The following UEVLD variants were observed in gnomAD, a reference collection of about 807,000 sequenced individuals.
UEVLD encodes the protein UEV and lactate/malate dehyrogenase domains.
A neutral mutation model predicts 58.6 loss-of-function variants in UEVLD; 47 were observed. That is an observed-to-expected ratio of 0.80 (90% CI 0.63 to 1.02). UEVLD has a LOEUF of 1.02. Among genes scored for constraint, UEVLD ranks in the 50% least tolerant of loss-of-function variants. UEVLD has a pLI of 0.00. For synonymous variants in UEVLD, 197 were observed against 195.3 expected, an observed-to-expected ratio of 1.01 and a Z score of -0.07; for missense variants, 510 against 550.6, an observed-to-expected ratio of 0.93 and a Z score of 0.74.
intron 8 of UEVLD, among the ~76,000 whole-genome samples, 197 bp downstream of exon 8, chr11:18,546,683 G>T (rs531246286): frequency 1.3e-5 from 2 of 152,070 alleles, no homozygotes; most frequent in East Asian, 3.9e-4. Flanking sequence ...ATTTTTGGTA[G>T]AGACGGGGTT....
chr11:18,565,240 A>G (rs1852239171), intron 5 of UEVLD, among the ~76,000 whole-genome samples: 1 of 152,182 alleles, frequency 6.6e-6, no homozygotes. Context: ...CTTTCTAAAC[A>G]TTTTTAAAAT....
rs755551471 is a variant in UEVLD, at chr11:18,544,723, A to G, written c.960T>C (p.Asn320=). 6.3e-7 allele frequency: 1 copy of G among 1,580,714 alleles called. No individual in the cohort carries two copies. The highest frequency in any genetic ancestry group is 1.2e-5 in the South Asian group (1 of 84,992). Residue 320 remains asparagine, a synonymous_variant, in exon 9 of 12, where the codon AAT becomes AAC. Coordinates refer to ENST00000396197, the MANE Select transcript of UEVLD (RefSeq NM_001040697.4). ...PANRVIGIGC[N]LDSQRLQYII... ...TATACTGTAATCTCTGTGAATCCAG[A>G]TTACATCCAATTCCGATCACTCGAT...
Position 18,558,129 on chromosome 11 carries a change from TGGACAA to T in UEVLD, c.715+93_715+98del, listed in dbSNP as rs1207021196. ...TTCCCAATATGTAAAATGAGAGACT[TGGACAA>T]GGTGATCTTTAAGGTGCTTTTCAGC... On this transcript the variant is annotated intron_variant, in intron 7 of 11. Transcript: ENST00000396197. 167 of 758,428 alleles carry T rather than the reference TGGACAA, an allele frequency of 2.2e-4. 2 individuals are homozygous for T. In the South Asian group the frequency reaches 3.5e-3, roughly 16 times the overall value. 47.0% of individuals were successfully genotyped at this position (758,428 alleles called of 1,614,324 possible). A position where few individuals can be genotyped will look rare whatever the true frequency, so the allele number is the denominator to read the frequency against.
chr11:18,551,087 TAGAA>T (rs1400485519), intron 7 of UEVLD, among the ~76,000 whole-genome samples: 5 of 152,114 alleles, frequency 3.3e-5, no homozygotes, highest in Non-Finnish European at 5.9e-5. Context: ...TAAAGAGAAT[TAGAA>T]AGAACTTTAA....
chr11:18,569,834 T>C (rs886431575), intron 4 of UEVLD: 2 of 160,406 alleles, frequency 1.2e-5, no homozygotes, highest in African/African-American at 4.8e-5. Context: ...TGATTCAACT[T>C]ATATGAAAGT....
intron 1 of UEVLD, among the ~76,000 whole-genome samples, chr11:18,586,371 C>T (rs1200476303): frequency 6.6e-6 from 1 of 152,000 alleles, no homozygotes; most frequent in Non-Finnish European, 1.5e-5. Flanking sequence ...CGGGCCACCA[C>T]GCCTGGCTTA....
intron 7 of UEVLD, among the ~76,000 whole-genome samples, chr11:18,554,499 C>T (rs1049451224): frequency 4.0e-5 from 6 of 150,264 alleles, no homozygotes; most frequent in Non-Finnish European, 7.4e-5. Context: ...CAGGTTCAAG[C>T]GATCTTCCTG....
chr11:18,536,398 A>G lies in UEVLD; in HGVS notation c.1124+8T>C, dbSNP rs1850795573. ...GTTGGATAAATGCAAATTTCCAGTC[A>G]GTGTTACCTGTTGGACAGCTGCACT... On this transcript the variant is annotated splice_region_variant and intron_variant, in intron 10 of 11. Coordinates refer to ENST00000396197, the MANE Select transcript of UEVLD (RefSeq NM_001040697.4). The G allele has an allele frequency of 6.2e-7, 1 of 1,613,300 alleles. No homozygotes were observed. Among genetic ancestry groups the G allele is most frequent in the Non-Finnish European group, 8.5e-7 (1 of 1,179,454 alleles).
In UEVLD at chr11:18,588,713, TTGCTGCAGGACGGAA is replaced by T. The variant is rs1853732393; in HGVS notation, c.-74_-60del. ...CCAGCCCCCGGACCTTCTTCCGGACTTGCTGCAGGACGGAAGCCGCTGAGGACCAAACTTCCCGGC... is the reference window on the plus strand; with the variant it reads ...CCAGCCCCCGGACCTTCTTCCGGACTGCCGCTGAGGACCAAACTTCCCGGC... On this transcript the variant is annotated 5_prime_UTR_variant, in exon 1 of 12. Transcript: ENST00000396197. 6.3e-7 allele frequency: 1 copy of T among 1,580,954 alleles called. No homozygotes were observed. The highest frequency in any genetic ancestry group is 8.6e-7 in the Non-Finnish European group (1 of 1,168,354).
At chr11:18,541,904 C>T (rs1851071713) in intron 9 of UEVLD, among the ~76,000 whole-genome samples, 1 of 152,134 alleles carries the variant, frequency 6.6e-6, no homozygotes, top group Non-Finnish European at 1.5e-5. Flanking sequence ...CTGTAGGCTT[C>T]CACGCAGGTC....
intron 6 of UEVLD, among the ~76,000 whole-genome samples, chr11:18,559,019 C>T (rs1851883947): frequency 6.6e-6 from 1 of 151,596 alleles, no homozygotes; most frequent in South Asian, 2.1e-4. Flanking sequence ...GGATTACAGG[C>T]ATGCACCACC....
chr11:18,542,824 C>G (rs1851110113), intron 9 of UEVLD, among the ~76,000 whole-genome samples: 1 of 150,188 alleles, frequency 6.7e-6, no homozygotes, highest in African/African-American at 2.4e-5. Context: ...TGTGCATGGT[C>G]TTTCTCTAAC....
intron 7 of UEVLD, among the ~76,000 whole-genome samples, chr11:18,547,757 A>G (rs1466648481): frequency 6.6e-6 from 1 of 152,142 alleles, no homozygotes; most frequent in Non-Finnish European, 1.5e-5. Context: ...CTCAGAGGCC[A>G]TCAGGGAGGA....
intron 11 of UEVLD, 53 bp from the exon 12 acceptor site, chr11:18,532,540 A>G: frequency 7.2e-7 from 1 of 1,386,544 alleles, no homozygotes; most frequent in South Asian, 1.5e-5. Context: ...CAAAGAAGTT[A>G]ATACAAAAAT....
At chr11:18,566,546 T>C in intron 4 of UEVLD, 64 bp from the exon 5 acceptor site, 1 of 1,555,710 alleles carries the variant, frequency 6.4e-7, no homozygotes, top group Non-Finnish European at 8.7e-7. Flanking sequence ...CTACCTTTGT[T>C]GAGGCAGGAG....
At chr11:18,552,753 C>T (rs551764293) in intron 7 of UEVLD, among the ~76,000 whole-genome samples, 2 of 151,640 alleles carry the variant, frequency 1.3e-5, no homozygotes, top group South Asian at 2.1e-4. Context: ...CCCAGCTATT[C>T]GGGAGGCTGG....
chr11:18,559,788 G>A (rs1565125108), intron 6 of UEVLD, among the ~76,000 whole-genome samples: 2 of 151,996 alleles, frequency 1.3e-5, no homozygotes, highest in African/African-American at 2.4e-5. Flanking sequence ...TAAATAGGGC[G>A]GCACAGTGGG....
At chr11:18,583,208 G>A (rs1434407092) in intron 1 of UEVLD, among the ~76,000 whole-genome samples, 1 of 137,906 alleles carries the variant, frequency 7.3e-6, no homozygotes, top group East Asian at 2.1e-4. Flanking sequence ...ACAGGCGTGA[G>A]CCATTGTGCC....
intron 10 of UEVLD, among the ~76,000 whole-genome samples, chr11:18,535,180 C>G (rs896954258): frequency 2.0e-5 from 3 of 152,088 alleles, no homozygotes; most frequent in Admixed American, 6.5e-5. Context: ...GAGACAGGGT[C>G]TCTGTGTTGT....
Sources: allele counts gnomAD v4.1 joint callset (sites outside exome capture counted in the v4.1 genomes callset), GRCh38; gene constraint gnomAD v4.1.1; transcripts MANE v1.5; gene names NCBI Gene and HGNC (gene_info 2026-07-23, HGNC 2026-07-21).